The following IVD variants were observed in gnomAD, a reference collection of about 807,000 sequenced individuals.
IVD encodes isovaleryl-CoA dehydrogenase, mitochondrial.
In IVD, 31 loss-of-function variants were observed where a neutral mutation model predicts 51.3. The observed-to-expected ratio is 0.60, with a 90% CI of 0.45 to 0.81. The LOEUF (loss-of-function observed/expected upper bound fraction) is 0.81, where lower values mean the gene tolerates loss of function less well. Among genes scored for constraint, IVD ranks in the 40% least tolerant of loss-of-function variants. The pLI is 0.00. For synonymous variants in IVD, 205 were observed against 219.4 expected, an observed-to-expected ratio of 0.93 and a Z score of 0.58; for missense variants, 475 against 552.0, an observed-to-expected ratio of 0.86 and a Z score of 1.40.
downstream of IVD, among the ~76,000 whole-genome samples, chr15:40,426,211 G>C (rs1892663876): frequency 1.3e-5 from 2 of 152,024 alleles, no homozygotes; most frequent in Admixed American, 6.6e-5. Flanking sequence ...ACTGTCGATG[G>C]ACATTTGGGC....
chr15:40,417,273 C>T (rs1461110716), intron 11 of IVD, among the ~76,000 whole-genome samples: 5 of 149,544 alleles, frequency 3.3e-5, no homozygotes, highest in East Asian at 4.0e-4. Flanking sequence ...TTTGGGAGGC[C>T]GAGGCAGGTG....
chr15:40,423,961 G>A (rs1051425447), downstream of IVD, among the ~76,000 whole-genome samples: 28 of 152,234 alleles, frequency 1.8e-4, no homozygotes, highest in Middle Eastern at 3.4e-3. Context: ...CGCTAGTGCC[G>A]AGTGGGAGCT....
At chr15:40,433,866 G>A (rs749811628) in exon 8 of IVD, 2 of 456,582 alleles carry the variant, frequency 4.4e-6, no homozygotes, top group Non-Finnish European at 8.8e-6. Context: ...TGGGTCCATG[G>A]ATCTTGGAGT....
downstream of IVD, among the ~76,000 whole-genome samples, chr15:40,427,636 G>A (rs1427474492): frequency 1.3e-5 from 2 of 152,174 alleles, no homozygotes; most frequent in Non-Finnish European, 2.9e-5. Context: ...CATACAGTGG[G>A]TCTCTTTACT....
At chr15:40,418,076 T>C (rs1007881205) in intron 11 of IVD, 54 bp from the exon 12 acceptor site, 33 of 1,610,450 alleles carry the variant, frequency 2.0e-5, no homozygotes, top group Non-Finnish European at 2.7e-5. Context: ...TTCTGTTTGC[T>C]TTCTTTGTTT....
intron 6 of IVD, 80 bp downstream of exon 6, chr15:40,411,771 A>T: frequency 6.7e-7 from 1 of 1,496,708 alleles, no homozygotes; most frequent in Non-Finnish European, 9.3e-7. Flanking sequence ...ACTGATCTCA[A>T]ATGGAATCAG....
At chr15:40,432,494 C>T (rs1893034311) in intron 7 of IVD, among the ~76,000 whole-genome samples, 1 of 152,230 alleles carries the variant, frequency 6.6e-6, no homozygotes, top group African/African-American at 2.4e-5. Flanking sequence ...CTGTAGTCCC[C>T]CCAGAGGGTG....
intron 8 of IVD, 75 bp from the exon 9 acceptor site, chr15:40,415,326 C>T: frequency 1.5e-6 from 2 of 1,296,200 alleles, no homozygotes; most frequent in Admixed American, 3.4e-5. Context: ...TCTGGCCTTC[C>T]CACGCTAGCA....
At chr15:40,408,017 G>C in intron 3 of IVD, 27 bp downstream of exon 3, 1 of 1,608,996 alleles carries the variant, frequency 6.2e-7, no homozygotes. Flanking sequence ...TCCCTAAAAA[G>C]AACTTTTCTT....
exon 9 of IVD, chr15:40,435,427 T>C: frequency 8.3e-7 from 1 of 1,209,078 alleles, no homozygotes; most frequent in Non-Finnish European, 1.1e-6. Flanking sequence ...GGCAGACCTT[T>C]TCCGCCCAAC....
chr15:40,435,907 A>C (rs1413290858), downstream of IVD: 1 of 155,326 alleles, frequency 6.4e-6, no homozygotes, highest in Non-Finnish European at 1.4e-5. Flanking sequence ...CCTCGTCCTC[A>C]GCAGCCATTA....
rs1434466764 is a variant in IVD at position 40,431,871 on chromosome 15, G to A, written c.720-1983G>A. Among the ~76,000 whole-genome samples the A allele has an allele frequency of 2.0e-5, 3 of 151,558 alleles. No individual in the cohort carries two copies. In the East Asian group the frequency reaches 5.8e-4, roughly 29 times the overall value. On this transcript the variant is annotated intron_variant, in intron 7 of 8. Transcript: ENST00000473112. ...GAAGAGTTGTTGTCTATATAACTAA[G>A]TGTAATTTTTATAAATGCCCTTATT... is the stretch of plus-strand genomic sequence containing the variant.
At chr15:40,415,182 C>A in intron 8 of IVD, 200 bp downstream of exon 8, 2 of 756,732 alleles carry the variant, frequency 2.6e-6, no homozygotes, top group Non-Finnish European at 4.3e-6. Context: ...AAGTAACAGA[C>A]AAAAGGCCTG....
chr15:40,412,293 C>T (rs1357267464), intron 6 of IVD, among the ~76,000 whole-genome samples: 2 of 152,212 alleles, frequency 1.3e-5, no homozygotes, highest in African/African-American at 2.4e-5. Flanking sequence ...GTGCAGGAAC[C>T]ACTTGCCTAA....
At chr15:40,410,878 G>T in intron 4 of IVD, 81 bp downstream of exon 4, 1 of 1,509,158 alleles carries the variant, frequency 6.6e-7, no homozygotes, top group Non-Finnish European at 9.1e-7. Context: ...TTGGGGGCCA[G>T]TCAGACCTGC....
chr15:40,425,450 A>G (rs1057210466), downstream of IVD, among the ~76,000 whole-genome samples: 12 of 149,392 alleles, frequency 8.0e-5, no homozygotes, highest in African/African-American at 3.0e-4. Context: ...CTATATATAT[A>G]TATATATATA....
intron 7 of IVD, chr15:40,414,563 GAGTC>G (rs1215975162): frequency 2.9e-6 from 1 of 341,858 alleles, no homozygotes; most frequent in Non-Finnish European, 5.8e-6. Flanking sequence ...TGTGTAGAAA[GAGTC>G]AGGGAGGGAT....
At chr15:40,428,743 TG>T (rs1698673586), downstream of IVD, among the ~76,000 whole-genome samples, 1 of 151,838 alleles carries the variant, frequency 6.6e-6, no homozygotes, top group Non-Finnish European at 1.5e-5. Context: ...CTGTGGGGGG[TG>T]GGGCAAGAGC....
intron 1 of IVD, chr15:40,406,284 T>C: frequency 4.9e-6 from 7 of 1,428,642 alleles, no homozygotes; most frequent in Non-Finnish European, 6.5e-6. Context: ...TTGGCCAGGC[T>C]ACCTACCGCT....
Sources: gnomAD v4.1 joint callset for allele counts (sites outside exome capture counted in the v4.1 genomes callset) on GRCh38, gnomAD v4.1.1 for gene constraint, MANE v1.5 for transcripts, NCBI Gene and HGNC (gene_info 2026-07-23, HGNC 2026-07-21) for gene names.